Variants in KCNB2 observed in about 807,000 individuals in gnomAD.
KCNB2 encodes the protein potassium voltage-gated channel subfamily B member 2.
Under a neutral mutation model 61.5 loss-of-function variants are expected in KCNB2, and 15 were observed. The ratio of observed to expected loss-of-function variants is 0.24; its 90% confidence interval spans 0.16 to 0.38. KCNB2 has a LOEUF of 0.38. Among genes scored for constraint, KCNB2 ranks in the 10% least tolerant of loss-of-function variants. The probability of loss-of-function intolerance (pLI) is 1.00; values close to 1 mark genes in which losing one functional copy is unlikely to be tolerated. For missense variants in KCNB2, 828 were observed against 1,125.2 expected, an observed-to-expected ratio of 0.74 and a Z score of 3.78; for synonymous variants, 457 against 446.0, an observed-to-expected ratio of 1.02 and a Z score of -0.31.
intron 2 of KCNB2, among the ~76,000 whole-genome samples, chr8:72,586,476 G>A (rs996123059): frequency 3.3e-5 from 5 of 152,100 alleles, no homozygotes; most frequent in African/African-American, 1.2e-4. Context: ...GTCACAGAGG[G>A]GGAGAAAAGA....
At chr8:72,891,068 G>A (rs780354222) in intron 2 of KCNB2, among the ~76,000 whole-genome samples, 4 of 152,158 alleles carry the variant, frequency 2.6e-5, no homozygotes, top group Non-Finnish European at 4.4e-5. Context: ...AGCGGTAGTG[G>A]CCAAGATCAT....
intron 2 of KCNB2, among the ~76,000 whole-genome samples, chr8:72,588,889 C>T (rs1242020870): frequency 2.0e-5 from 3 of 152,154 alleles, no homozygotes; most frequent in Middle Eastern, 6.8e-3. Flanking sequence ...GAGCCAGACA[C>T]CATCTCAAAA....
At chr8:72,870,858 T>C (rs2129004739) in intron 2 of KCNB2, among the ~76,000 whole-genome samples, 1 of 152,258 alleles carries the variant, frequency 6.6e-6, no homozygotes, top group African/African-American at 2.4e-5. Flanking sequence ...GCACCTGTGG[T>C]CCCAGCTACT....
intron 2 of KCNB2, among the ~76,000 whole-genome samples, chr8:72,801,348 A>G (rs1327109224): frequency 6.6e-6 from 1 of 152,242 alleles, no homozygotes; most frequent in Non-Finnish European, 1.5e-5. Flanking sequence ...AGAATAGAAC[A>G]TGCTCACTGA....
chr8:72,849,435 T>C (rs1316493053), intron 2 of KCNB2, among the ~76,000 whole-genome samples: 1 of 152,158 alleles, frequency 6.6e-6, no homozygotes, highest in African/African-American at 2.4e-5. Flanking sequence ...TTATTCCTCC[T>C]GTCTAGCAGT....
At chr8:72,814,945 A>G (rs986346175) in intron 2 of KCNB2, among the ~76,000 whole-genome samples, 1 of 152,210 alleles carries the variant, frequency 6.6e-6, no homozygotes, top group Non-Finnish European at 1.5e-5. Flanking sequence ...CAGAAGGTCA[A>G]TACAGTTATT....
At chr8:72,726,527 G>A (rs138171568) in intron 2 of KCNB2, among the ~76,000 whole-genome samples, 238 of 152,238 alleles carry the variant, frequency 1.6e-3, no homozygotes, top group Middle Eastern at 0.01. Context: ...TAAGTGAAAA[G>A]CCAGACTATA....
intron 2 of KCNB2, among the ~76,000 whole-genome samples, chr8:72,756,764 G>A (rs2962311): frequency 0.12 from 17,873 of 152,154 alleles, 1,518 homozygotes; most frequent in East Asian, 0.5. Flanking sequence ...TGATGAAGAG[G>A]TGGGACAGCT....
At chr8:72,573,614 G>A (rs1411693974) in intron 2 of KCNB2, among the ~76,000 whole-genome samples, 1 of 151,472 alleles carries the variant, frequency 6.6e-6, no homozygotes, top group East Asian at 1.9e-4. Context: ...GCCCCTCTGT[G>A]TACCACGCAG....
intron 2 of KCNB2, among the ~76,000 whole-genome samples, chr8:72,789,662 G>T (rs1235916305): frequency 1.2e-4 from 19 of 152,066 alleles, no homozygotes. Flanking sequence ...AGACATCAGG[G>T]GACCCTGGAG....
chr8:72,755,564 G>A (rs899901386), intron 2 of KCNB2, among the ~76,000 whole-genome samples: 3 of 152,130 alleles, frequency 2.0e-5, no homozygotes, highest in Non-Finnish European at 4.4e-5. Context: ...TCTTCAAGGA[G>A]GATATATGAA....
At chr8:72,608,805 C>A (rs1373699179) in intron 2 of KCNB2, among the ~76,000 whole-genome samples, 1 of 152,112 alleles carries the variant, frequency 6.6e-6, no homozygotes, top group Non-Finnish European at 1.5e-5. Context: ...TAACTCGAAA[C>A]TAGTAGTTAA....
chr8:72,816,341 A>C (rs527794013), intron 2 of KCNB2, among the ~76,000 whole-genome samples: 1 of 152,344 alleles, frequency 6.6e-6, no homozygotes, highest in Non-Finnish European at 1.5e-5. Context: ...AACAACATTT[A>C]CAATTTCCCT....
intron 2 of KCNB2, among the ~76,000 whole-genome samples, chr8:72,816,024 AT>A: frequency 6.6e-6 from 1 of 152,188 alleles, no homozygotes; most frequent in East Asian, 1.9e-4. Context: ...TAATTAAGTG[AT>A]TCTAAATCAC....
At chr8:72,575,667 C>T (rs1031146020) in intron 2 of KCNB2, among the ~76,000 whole-genome samples, 11 of 151,992 alleles carry the variant, frequency 7.2e-5, no homozygotes, top group Middle Eastern at 6.8e-3. Flanking sequence ...ATTTTTAATT[C>T]CTCTACATTT....
intron 2 of KCNB2, among the ~76,000 whole-genome samples, chr8:72,721,301 T>C (rs1807543812): frequency 6.6e-6 from 1 of 152,228 alleles, no homozygotes; most frequent in African/African-American, 2.4e-5. Flanking sequence ...TTGCTGTCTT[T>C]GCTGGTGAAC....
chr8:72,726,745 C>G (rs1290804592), intron 2 of KCNB2, among the ~76,000 whole-genome samples: 2 of 152,114 alleles, frequency 1.3e-5, no homozygotes, highest in Admixed American at 1.3e-4. Flanking sequence ...CTTTTGTAAT[C>G]AGGAAAATCA....
intron 2 of KCNB2, among the ~76,000 whole-genome samples, chr8:72,831,588 C>T (rs2129001898): frequency 6.6e-6 from 1 of 152,314 alleles, no homozygotes; most frequent in Non-Finnish European, 1.5e-5. Context: ...TTTATGAGGC[C>T]TTTGCCTATA....
rs115588145 is a variant in KCNB2 at position 72,722,482 on chromosome 8, C to T, written c.579+154169C>T. On this transcript the variant is annotated intron_variant, in intron 2 of 2. Transcript: ENST00000523207. ...CCCTCTAGCCCAGAGGCTTTGCATGCGCTGGGCCCTCTGCTCAGACTGCTC... is the reference window on the plus strand; with the variant it reads ...CCCTCTAGCCCAGAGGCTTTGCATGTGCTGGGCCCTCTGCTCAGACTGCTC... 3.9e-3 allele frequency among the ~76,000 whole-genome samples: 600 copies of T among 152,276 alleles called. 4 individuals are homozygous for T. Among genetic ancestry groups the T allele is most frequent in the African/African-American group, 0.014 (568 of 41,556 alleles).
Sources: allele counts gnomAD v4.1 joint callset (sites outside exome capture counted in the v4.1 genomes callset), GRCh38; gene constraint gnomAD v4.1.1; transcripts MANE v1.5; gene names NCBI Gene and HGNC (gene_info 2026-07-23, HGNC 2026-07-21).